Variants in PTDSS1 observed in about 807,000 individuals in gnomAD.
The protein encoded by PTDSS1 is PSS-1.
Under a neutral mutation model 70.5 loss-of-function variants are expected in PTDSS1, and 45 were observed. The ratio of observed to expected loss-of-function variants is 0.64; its 90% CI spans 0.50 to 0.82. The LOEUF is 0.82. Among genes scored for constraint, PTDSS1 ranks in the 40% least tolerant of loss-of-function variants. The pLI is 0.00. For missense variants in PTDSS1, 417 were observed against 586.1 expected, an observed-to-expected ratio of 0.71 and a Z score of 2.98; for synonymous variants, 188 against 203.8, an observed-to-expected ratio of 0.92 and a Z score of 0.66.
At position 96,330,264 on chromosome 8, in the gene PTDSS1, T is replaced by A; in HGVS notation, c.1225T>A (p.Tyr409Asn). Residue 409 changes from tyrosine (Y) to asparagine (N), a missense_variant, in exon 11 of 13, where the codon TAT becomes AAT. This residue lies in a region of PTDSS1 where 107 missense variants were observed against 122.3 expected (regional missense o/e 0.88). Coordinates refer to ENST00000517309, the MANE Select transcript of PTDSS1 (RefSeq NM_014754.3). ...LYGMIWYAEHYGHREKTYSEC... is the reference protein window; with the variant it reads ...LYGMIWYAEHNGHREKTYSEC... ...CGGCATGATTTGGTATGCAGAACAC[T>A]ATGGTCACCGAGAAAAGGTATGGAA... is the stretch of plus-strand genomic sequence containing the variant. 3 of 1,611,772 alleles carry A rather than the reference T, an allele frequency of 1.9e-6. No homozygotes were observed. The highest frequency in any genetic ancestry group is 2.5e-6 in the Non-Finnish European group (3 of 1,178,530).
chr8:96,281,639 G>C (rs1006039656), intron 2 of PTDSS1, among the ~76,000 whole-genome samples: 2 of 152,082 alleles, frequency 1.3e-5, no homozygotes, highest in Non-Finnish European at 2.9e-5. Flanking sequence ...CTCCTAGCTT[G>C]TTTCTTTCCC....
rs182275884 is a variant in PTDSS1, at chr8:96,333,737, C to G, written c.*171C>G. The stretch of plus-strand genomic sequence containing the variant: ...AAGTCTTGTTTCCCACAGACCTGGC[C>G]GCGTCAGGCAGATCATCGCCTGGGG... On this transcript the variant is annotated 3_prime_UTR_variant, in exon 13 of 13. Transcript: ENST00000517309. The G allele has an allele frequency of 1.3e-6, 1 of 745,378 alleles. No individual in the cohort carries two copies. The highest frequency in any genetic ancestry group is 2.4e-6 in the Non-Finnish European group (1 of 422,434). 46.2% of individuals were successfully genotyped at this position (745,378 alleles called of 1,614,324 possible).
chr8:96,263,228 C>T (rs986970244), intron 1 of PTDSS1, among the ~76,000 whole-genome samples: 1 of 152,212 alleles, frequency 6.6e-6, no homozygotes, highest in Non-Finnish European at 1.5e-5. Flanking sequence ...GCGCCTGTGG[C>T]TCCTCATTCC....
chr8:96,330,951 T>G lies in PTDSS1; in HGVS notation c.1243-75T>G, dbSNP rs571874665. On this transcript the variant is annotated intron_variant, in intron 11 of 12. Transcript: ENST00000517309. ...GCCTGGGAGAGGCAGGGATGCAGCA[T>G]GCTCGCCTTTTTGCCCTGCCACTTC... 172 of 1,294,850 alleles carry G rather than the reference T, an allele frequency of 1.3e-4. No homozygotes were observed. The African/African-American group carries it at 2.3e-3, about 17-fold the overall frequency. 80.2% of individuals were successfully genotyped at this position (1,294,850 alleles called of 1,614,324 possible).
intron 6 of PTDSS1, among the ~76,000 whole-genome samples, chr8:96,301,154 G>A (rs955951733): frequency 2.0e-5 from 3 of 152,084 alleles, no homozygotes; most frequent in Admixed American, 1.3e-4. Flanking sequence ...TATTGAGATG[G>A]AGTCTTGCTC....
chr8:96,281,785 G>T (rs1352862140), intron 2 of PTDSS1, among the ~76,000 whole-genome samples: 3 of 152,200 alleles, frequency 2.0e-5, no homozygotes, highest in Non-Finnish European at 4.4e-5. Context: ...ACTCAGCCTG[G>T]TGACACAGGA....
At chr8:96,279,456 T>TAA (rs772460972) in intron 2 of PTDSS1, among the ~76,000 whole-genome samples, 3 of 141,254 alleles carry the variant, frequency 2.1e-5, no homozygotes, top group Non-Finnish European at 4.7e-5. Context: ...CTTCTAAATT[T>TAA]AAAAAAAAAA....
chr8:96,270,658 G>T lies in PTDSS1; in HGVS notation c.180-2641G>T, dbSNP rs563298107. On this transcript the variant is annotated intron_variant, in intron 1 of 12. Coordinates refer to ENST00000517309, the MANE Select transcript of PTDSS1 (RefSeq NM_014754.3). Reference sequence around the variant, plus strand: ...CTCACTCTCCTATCCCCTAATCTTTGATTGCAGAAGTTTGATCTTCCCATA... The same window carrying T: ...CTCACTCTCCTATCCCCTAATCTTTTATTGCAGAAGTTTGATCTTCCCATA... Among the ~76,000 whole-genome samples, 11 of 152,258 alleles carry T rather than the reference G, an allele frequency of 7.2e-5. No individual in the cohort carries two copies. The South Asian group carries it at 2.3e-3, about 32-fold the overall frequency.
chr8:96,306,732 C>G (rs1291791686), intron 8 of PTDSS1, among the ~76,000 whole-genome samples, 176 bp downstream of exon 8: 1 of 152,154 alleles, frequency 6.6e-6, no homozygotes, highest in Admixed American at 6.5e-5. Context: ...GTAACATTAA[C>G]CAGACATTTA....
intron 9 of PTDSS1, 121 bp downstream of exon 9, chr8:96,309,743 G>C: frequency 2.7e-6 from 2 of 750,956 alleles, no homozygotes; most frequent in Non-Finnish European, 4.5e-6. Context: ...AGGTGGACTA[G>C]ATTTTATATA....
chr8:96,302,935 T>C (rs557775163), intron 6 of PTDSS1, among the ~76,000 whole-genome samples: 32 of 152,344 alleles, frequency 2.1e-4, no homozygotes, highest in African/African-American at 7.5e-4. Context: ...TGTTTTCTTA[T>C]GTTTATTCTT....
At chr8:96,276,487 C>T (rs1004963785) in intron 2 of PTDSS1, among the ~76,000 whole-genome samples, 1 of 152,108 alleles carries the variant, frequency 6.6e-6, no homozygotes, top group Non-Finnish European at 1.5e-5. Context: ...CTTTGTGATA[C>T]GCACAAAGGG....
chr8:96,336,272 A>G lies in PTDSS1; in HGVS notation c.*2706A>G, dbSNP rs1811592772. ...AAAACAAAATTCATTACCAAATACA[A>G]CAGGTTCAGCCTTCTTGGTCTTCCC... On this transcript the variant is annotated 3_prime_UTR_variant, in exon 13 of 13. Transcript: ENST00000517309. 1 of 151,986 alleles carries G rather than the reference A, an allele frequency of 6.6e-6. No individual in the cohort carries two copies. The allele number at this position is 151,986 out of a possible 1,614,324, so 9.4% of individuals were successfully genotyped here.
At chr8:96,266,978 T>G (rs1017773230) in intron 1 of PTDSS1, among the ~76,000 whole-genome samples, 4 of 152,216 alleles carry the variant, frequency 2.6e-5, no homozygotes, top group African/African-American at 9.6e-5. Flanking sequence ...TTGGCTTAGA[T>G]GATGCCTCAG....
intron 12 of PTDSS1, 38 bp downstream of exon 12, chr8:96,331,133 G>A (rs757669721): frequency 5.2e-6 from 8 of 1,541,596 alleles, no homozygotes; most frequent in Non-Finnish European, 6.3e-6. Context: ...ATTTTACTGG[G>A]TCCTTGAGAT....
intron 8 of PTDSS1, among the ~76,000 whole-genome samples, chr8:96,307,449 CAAAAAAAAAAAA>C (rs56284473): frequency 4.5e-4 from 23 of 50,654 alleles, no homozygotes; most frequent in East Asian, 8.4e-4. Context: ...TCAATATTAC[CAAAAAAAAAAAA>C]AAAAAAAAAA....
intron 9 of PTDSS1, among the ~76,000 whole-genome samples, chr8:96,311,848 C>T (rs1811216273): frequency 6.6e-6 from 1 of 152,186 alleles, no homozygotes; most frequent in Non-Finnish European, 1.5e-5. Context: ...TGTGAGGGCC[C>T]TGTGTACTGG....
At chr8:96,320,582 C>T (rs568521148) in intron 10 of PTDSS1, among the ~76,000 whole-genome samples, 8 of 152,298 alleles carry the variant, frequency 5.3e-5, no homozygotes, top group African/African-American at 1.7e-4. Context: ...TCGACAGGTA[C>T]ACCCCACGTG....
At chr8:96,277,667 T>A (rs1326263837) in intron 2 of PTDSS1, among the ~76,000 whole-genome samples, 1 of 152,262 alleles carries the variant, frequency 6.6e-6, no homozygotes, top group Non-Finnish European at 1.5e-5. Flanking sequence ...TGTTAAATGC[T>A]GCCCTGCACG....
Sources: allele counts gnomAD v4.1 joint callset (sites outside exome capture counted in the v4.1 genomes callset), GRCh38; gene constraint gnomAD v4.1.1; regional missense constraint gnomAD v4.1.1; transcripts MANE v1.5; gene names NCBI Gene and HGNC (gene_info 2026-07-23, HGNC 2026-07-21).